GON4L: variants seen among roughly 807,000 people sequenced by gnomAD.
The protein encoded by GON4L is gon-4 like.
GON4L carries 87 observed loss-of-function variants against 211.8 expected under a neutral mutation model. The observed-to-expected ratio is 0.41, with a 90% CI of 0.35 to 0.49. GON4L has a LOEUF of 0.49. Ranked by LOEUF, GON4L falls within the 20% of genes least tolerant of loss-of-function variation. The pLI is 0.15. For missense variants in GON4L, 2,155 were observed against 2,659.5 expected (o/e 0.81, Z 4.17); for synonymous variants, 875 against 962.6 (o/e 0.91, Z 1.68).
intron 14 of GON4L, among the ~76,000 whole-genome samples, chr1:155,780,733 G>A (rs1664337834): frequency 6.6e-6 from 1 of 152,090 alleles, no homozygotes; most frequent in African/African-American, 2.4e-5. Flanking sequence ...TGACAGTTCT[G>A]AAGTAAAAGG....
chr1:155,783,562 G>A (rs910391463), intron 14 of GON4L, among the ~76,000 whole-genome samples: 10 of 152,162 alleles, frequency 6.6e-5, no homozygotes, highest in Non-Finnish European at 1.0e-4. Context: ...CTTACTGCAG[G>A]TGCTTCAGGG....
At chr1:155,812,046 A>C (rs1180642487) in intron 10 of GON4L, among the ~76,000 whole-genome samples, 1 of 152,034 alleles carries the variant, frequency 6.6e-6, no homozygotes, top group Non-Finnish European at 1.5e-5. Flanking sequence ...GTGAGACTCC[A>C]TCTAGGAAAA....
intron 2 of GON4L, among the ~76,000 whole-genome samples, chr1:155,847,396 C>T (rs555757409): frequency 3.3e-5 from 5 of 152,188 alleles, no homozygotes; most frequent in South Asian, 2.1e-4. Flanking sequence ...ATGGCAAAAA[C>T]GCATCTCAAT....
At chr1:155,761,706 G>T (rs185871378) in intron 23 of GON4L, among the ~76,000 whole-genome samples, 182 of 152,016 alleles carry the variant, frequency 1.2e-3, no homozygotes, top group African/African-American at 4.2e-3. Flanking sequence ...TGTTGGTCAG[G>T]CTGGTCTCTA....
At chr1:155,777,129 T>C (rs895599669) in intron 15 of GON4L, among the ~76,000 whole-genome samples, 5 of 152,260 alleles carry the variant, frequency 3.3e-5, no homozygotes, top group African/African-American at 1.2e-4. Flanking sequence ...ATTAGTGTCC[T>C]TGTGTGCTCT....
chr1:155,829,380 C>A (rs144880053), intron 2 of GON4L, among the ~76,000 whole-genome samples: 1 of 152,050 alleles, frequency 6.6e-6, no homozygotes, highest in East Asian at 1.9e-4. Flanking sequence ...CCAAGGTGGG[C>A]GGACTGCCTG....
At chr1:155,807,703 C>CAAAAAAAAAAAAAAAAAAAAAA (rs61248477) in intron 10 of GON4L, among the ~76,000 whole-genome samples, 1 of 52,888 alleles carries the variant, frequency 1.9e-5, no homozygotes, top group Non-Finnish European at 3.0e-5. Context: ...GACTCCGTCT[C>CAAAAAAAAAAAAAAAAAAAAAA]AAAAAAAAAA....
intron 6 of GON4L, among the ~76,000 whole-genome samples, chr1:155,819,032 G>A (rs1472672737): frequency 1.3e-5 from 2 of 152,058 alleles, no homozygotes; most frequent in Non-Finnish European, 1.5e-5. Context: ...GCTCATGCCT[G>A]TAATCCCAGT....
intron 6 of GON4L, among the ~76,000 whole-genome samples, chr1:155,816,500 T>G (rs537668927): frequency 1.3e-5 from 2 of 152,210 alleles, no homozygotes; most frequent in Non-Finnish European, 2.9e-5. Context: ...TAAGCCTCAC[T>G]TCTTTCTATA....
chr1:155,859,066 G>C (rs1672487979), upstream of GON4L, among the ~76,000 whole-genome samples: 1 of 151,962 alleles, frequency 6.6e-6, no homozygotes, highest in South Asian at 2.1e-4. Context: ...CAGAGTTTCT[G>C]AGGTTTAAGA....
intron 12 of GON4L, among the ~76,000 whole-genome samples, chr1:155,791,598 C>A (rs570946792): frequency 1.2e-4 from 18 of 150,686 alleles, no homozygotes; most frequent in African/African-American, 4.9e-5. Context: ...GGGCACAGTG[C>A]GGCTCATGAC....
intron 2 of GON4L, among the ~76,000 whole-genome samples, chr1:155,844,336 C>G (rs1256101558): frequency 6.6e-6 from 1 of 152,170 alleles, no homozygotes; most frequent in Non-Finnish European, 1.5e-5. Flanking sequence ...ATCAATAAGA[C>G]CGACTGCACA....
intron 12 of GON4L, among the ~76,000 whole-genome samples, chr1:155,786,801 T>C (rs1461312147): frequency 1.3e-5 from 2 of 152,116 alleles, no homozygotes; most frequent in East Asian, 1.9e-4. Context: ...AGAGGCAGCA[T>C]GTTGCTATGT....
chr1:155,803,272 G>A (rs551936691), intron 11 of GON4L, among the ~76,000 whole-genome samples: 15 of 146,802 alleles, frequency 1.0e-4, no homozygotes, highest in African/African-American at 3.8e-4. Flanking sequence ...TTGAGATGGA[G>A]TCTCGCTCTG....
intron 14 of GON4L, 64 bp from the exon 15 acceptor site, chr1:155,777,884 G>T (rs572916741): frequency 1.3e-5 from 12 of 955,922 alleles, no homozygotes; most frequent in African/African-American, 3.2e-5. Flanking sequence ...CATCCAATTC[G>T]TTCCAATGAT....
intron 10 of GON4L, among the ~76,000 whole-genome samples, chr1:155,807,730 A>AAAAAAAAAG (rs1395575383): frequency 7.0e-6 from 1 of 143,796 alleles, no homozygotes. Context: ...AAAAAAGAAA[A>AAAAAAAAAG]TCAGAAAGTG....
chr1:155,789,646 C>G (rs1665322097), intron 12 of GON4L, among the ~76,000 whole-genome samples: 1 of 151,830 alleles, frequency 6.6e-6, no homozygotes, highest in African/African-American at 2.4e-5. Flanking sequence ...GTATAATTTA[C>G]TCTGAAATGC....
chr1:155,781,526 G>T (rs1292641413), intron 14 of GON4L, among the ~76,000 whole-genome samples: 1 of 151,984 alleles, frequency 6.6e-6, no homozygotes, highest in Non-Finnish European at 1.5e-5. Flanking sequence ...GCAGTGGCAT[G>T]ATCTTGGCTC....
At position 155,765,226 on chromosome 1, in the gene GON4L, G is replaced by T. The variant is rs1180528472; in HGVS notation, c.4247C>A (p.Ser1416Tyr). 3 of 1,614,160 alleles carry T rather than the reference G, an allele frequency of 1.9e-6. No homozygotes were observed. The highest frequency in any genetic ancestry group is 2.5e-6 in the Non-Finnish European group (3 of 1,180,022). The change falls in exon 21 of 32, where the codon TCC becomes TAC. Residue 1416 changes from serine (S) to tyrosine (Y), a missense_variant. This residue lies in a region of GON4L where 615 missense variants were observed against 625.7 expected (regional missense o/e 0.98). Coordinates refer to ENST00000368331, the MANE Select transcript of GON4L (RefSeq NM_001282860.2). ...AAGCCTCACTTCAGGATCCATTGAGGACAAAGCATTCTTTGATGATCCTTT... is the reference window on the plus strand; with the variant it reads ...AAGCCTCACTTCAGGATCCATTGAGTACAAAGCATTCTTTGATGATCCTTT... The part of the protein sequence containing the change: ...VNKGSSKNAL[S>Y]SMDPEVRLSS...
Sources: allele counts gnomAD v4.1 joint callset (sites outside exome capture counted in the v4.1 genomes callset), GRCh38; gene constraint gnomAD v4.1.1; regional missense constraint gnomAD v4.1.1; transcripts MANE v1.5; gene names NCBI Gene and HGNC (gene_info 2026-07-23, HGNC 2026-07-21).